The following ACBD3 variants were observed in gnomAD, a reference collection of about 807,000 sequenced individuals.
ACBD3 encodes Golgi resident protein GCP60.
A neutral mutation model predicts 66.9 loss-of-function variants in ACBD3; 30 were observed. The observed-to-expected ratio is 0.45, with a 90% CI of 0.34 to 0.61. The LOEUF (loss-of-function observed/expected upper bound fraction) is 0.61. Among genes scored for constraint, ACBD3 ranks in the 20% least tolerant of loss-of-function variants. The pLI, the probability that ACBD3 is intolerant of heterozygous loss-of-function variation, is 0.02. For synonymous variants in ACBD3, 278 were observed against 259.8 expected, an observed-to-expected ratio of 1.07 and a Z score of -0.68; for missense variants, 544 against 664.5, an observed-to-expected ratio of 0.82 and a Z score of 1.99.
intron 1 of ACBD3, among the ~76,000 whole-genome samples, chr1:226,172,028 A>G (rs1372637880): frequency 6.6e-6 from 1 of 151,294 alleles, no homozygotes; most frequent in Non-Finnish European, 1.5e-5. Context: ...GCTGGCGCAC[A>G]CCTATAATCC....
Position 226,164,801 on chromosome 1 carries a change from T to C in ACBD3, c.557A>G (p.Gln186Arg). The change falls in exon 3 of 8, where the codon CAA becomes CGA. Residue 186 changes from glutamine (Q) to arginine (R), a missense_variant. Gln to Arg is a conservative substitution (Grantham distance 43). Coordinates refer to ENST00000366812, the MANE Select transcript of ACBD3 (RefSeq NM_022735.4). Reference protein sequence around the residue: ...VASHKIEKEEQEKKRKEEEER... With the variant: ...VASHKIEKEEREKKRKEEEER... ...CCTCAAACTTCACCTTTTTTTTTCT[T>C]GCTCTTCCTTCTCTATTTTGTGGGA... The C allele has an allele frequency of 1.2e-6, 2 of 1,609,166 alleles. No individual in the cohort carries two copies. Among genetic ancestry groups the C allele is most frequent in the Non-Finnish European group, 1.7e-6 (2 of 1,177,908 alleles).
chr1:226,155,102 C>CA (rs1659646666), intron 5 of ACBD3: 1 of 249,938 alleles, frequency 4.0e-6, no homozygotes, highest in Non-Finnish European at 7.5e-6. Context: ...ATCTGAGAAT[C>CA]ACCATAAAAA....
At position 226,186,415 on chromosome 1, in the gene ACBD3, G is replaced by C; in HGVS notation, c.261C>G (p.Tyr87Ter). 6.6e-7 allele frequency: 1 copy of C among 1,523,854 alleles called. No individual in the cohort carries two copies. The highest frequency in any genetic ancestry group is 8.8e-7 in the Non-Finnish European group (1 of 1,136,696). The allele number at this position is 1,523,854 out of a possible 1,614,324, so 94.4% of individuals were successfully genotyped here. Reference protein sequence around the residue: ...QRWGFGLEELYGLALRFFKEK... With the variant: ...QRWGFGLEEL ...CTTTGAAGAAGCGCAGTGCCAGGCCGTACAACTCCTCCAGGCCGAAACCCC... is the reference window on the plus strand; with the variant it reads ...CTTTGAAGAAGCGCAGTGCCAGGCCCTACAACTCCTCCAGGCCGAAACCCC... Residue 87 changes from tyrosine (Y) to a stop codon, truncating the protein, a stop_gained, in exon 1 of 8, where the codon TAC (tyrosine) becomes TAG (stop). Transcript: ENST00000366812. LOFTEE classifies it high-confidence loss of function.
chr1:226,164,737 T>G, intron 3 of ACBD3, 52 bp downstream of exon 3: 1 of 1,530,856 alleles, frequency 6.5e-7, no homozygotes, highest in Non-Finnish European at 8.8e-7. Flanking sequence ...AACAAAAGCA[T>G]CAGTACACTG....
In ACBD3 at chr1:226,186,685, C is replaced by G. The variant is rs374813325; in HGVS notation, c.-10G>C. ...TCAGCACCGCCGCCATCTCCGGCTG[C>G]TGCACCTCCTCAGCGGGGACAGACG... On this transcript the variant is annotated 5_prime_UTR_variant, in exon 1 of 8. Coordinates refer to ENST00000366812, the MANE Select transcript of ACBD3 (RefSeq NM_022735.4). 68 of 1,488,348 alleles carry G rather than the reference C, an allele frequency of 4.6e-5. No homozygotes were observed. The highest frequency in any genetic ancestry group is 6.0e-5 in the Non-Finnish European group (67 of 1,124,490). 92.2% of individuals were successfully genotyped at this position (1,488,348 alleles called of 1,614,324 possible).
chr1:226,155,234 A>G (rs1221808466), intron 5 of ACBD3, among the ~76,000 whole-genome samples: 1 of 152,100 alleles, frequency 6.6e-6, no homozygotes, highest in African/African-American at 2.4e-5. Flanking sequence ...CCTGACCAAC[A>G]TGGTGAAACC....
chr1:226,186,685 C>A lies in ACBD3; in HGVS notation c.-10G>T. 2.0e-6 allele frequency: 3 copies of A among 1,488,464 alleles called. No individual in the cohort carries two copies. The highest frequency in any genetic ancestry group is 2.5e-5 in the South Asian group (2 of 79,480). The allele number at this position is 1,488,464 out of a possible 1,614,324, so 92.2% of individuals were successfully genotyped here. Reference sequence around the variant, plus strand: ...TCAGCACCGCCGCCATCTCCGGCTGCTGCACCTCCTCAGCGGGGACAGACG... The same window carrying A: ...TCAGCACCGCCGCCATCTCCGGCTGATGCACCTCCTCAGCGGGGACAGACG... On this transcript the variant is annotated 5_prime_UTR_variant, in exon 1 of 8. Coordinates refer to ENST00000366812, the MANE Select transcript of ACBD3 (RefSeq NM_022735.4).
At chr1:226,161,296 G>A (rs1380623901) in intron 4 of ACBD3, among the ~76,000 whole-genome samples, 3 of 151,876 alleles carry the variant, frequency 2.0e-5, no homozygotes, top group African/African-American at 7.3e-5. Context: ...ATGCCACTGC[G>A]CCCAGCTAAT....
chr1:226,159,277 G>A lies in ACBD3; in HGVS notation c.810C>T (p.Tyr270=), dbSNP rs376198228. The A allele has an allele frequency of 4.3e-6, 7 of 1,614,054 alleles. No homozygotes were observed. The highest frequency in any genetic ancestry group is 2.7e-5 in the African/African-American group (2 of 74,906). The change falls in exon 5 of 8, where the codon TAC becomes TAT. Residue 270 remains tyrosine, a synonymous_variant. Transcript: ENST00000366812. ...QYAAQQYPGN[Y]EQQQILIRQL... is the part of the protein sequence containing the mutation. ...GGCGGATGAGAATTTGCTGCTGTTC[G>A]TAGTTCCCTGGATACTGTTGGGCTG...
rs1425473366 is a variant in ACBD3 at position 226,182,226 on chromosome 1, C to CT, written c.286+4163dup. Reference sequence around the variant, plus strand: ...AGCCTGCATAACAAAACCAGACTGTCTAAAAAAAAAAAAAGAATTGAGCAA... The same window carrying CT: ...AGCCTGCATAACAAAACCAGACTGTCTTAAAAAAAAAAAAAGAATTGAGCAA... On this transcript the variant is annotated intron_variant, in intron 1 of 7. Transcript: ENST00000366812. Among the ~76,000 whole-genome samples the CT allele has an allele frequency of 5.0e-5, 7 of 141,216 alleles. No individual in the cohort carries two copies. In the South Asian group the frequency reaches 1.3e-3, roughly 27 times the overall value. 92.6% of individuals were successfully genotyped at this position (141,216 alleles called of 152,430 possible).
rs772025363 is a variant in ACBD3 at position 226,186,370 on chromosome 1, G to T, written c.286+20C>A. On this transcript the variant is annotated intron_variant, in intron 1 of 7. Coordinates refer to ENST00000366812, the MANE Select transcript of ACBD3 (RefSeq NM_022735.4). ...CCGGGGCCGGGCAGAAGCGGCGGGG[G>T]TGGGGCTGGCCCGGCTCACCTTTGA... is the stretch of plus-strand genomic sequence containing the variant. 17 of 1,505,492 alleles carry T rather than the reference G, an allele frequency of 1.1e-5. No homozygotes were observed. The highest frequency in any genetic ancestry group is 1.0e-4 in the African/African-American group (7 of 69,002). 93.3% of individuals were successfully genotyped at this position (1,505,492 alleles called of 1,614,324 possible).
At position 226,159,213 on chromosome 1, in the gene ACBD3, A is replaced by C. The variant is rs1659726822; in HGVS notation, c.874T>G (p.Leu292Val). ...TGCTGTGCAAGCTGGACTTGATACAACTGCTGCATGTACTGCTGATAGTGT... is the reference window on the plus strand; with the variant it reads ...TGCTGTGCAAGCTGGACTTGATACACCTGCTGCATGTACTGCTGATAGTGT... Reference protein sequence around the residue: ...EQHYQQYMQQLYQVQLAQQQA... With the variant: ...EQHYQQYMQQVYQVQLAQQQA... The change falls in exon 5 of 8, where the codon TTG becomes GTG. Residue 292 changes from leucine (L) to valine (V), a missense_variant. By Grantham distance (32) the Leu-to-Val change is conservative (BLOSUM62 1). Coordinates refer to ENST00000366812, the MANE Select transcript of ACBD3 (RefSeq NM_022735.4). 1.9e-6 allele frequency: 3 copies of C among 1,614,182 alleles called. No homozygotes were observed. The East Asian group carries it at 6.7e-5, about 36-fold the overall frequency.
intron 1 of ACBD3, among the ~76,000 whole-genome samples, chr1:226,169,387 A>G (rs955344351): frequency 1.3e-5 from 2 of 151,744 alleles, no homozygotes; most frequent in African/African-American, 4.8e-5. Flanking sequence ...AGCTGGGACT[A>G]CAAGCGCCCG....
rs1040994410 is a variant in ACBD3 at position 226,149,320 on chromosome 1, G to A, written c.1376-2499C>T. The stretch of plus-strand genomic sequence containing the variant: ...CAGCTCACTGCAATCTCCACCTCCC[G>A]GGTTCAAGCGATTCTCCTGCCTCAG... On this transcript the variant is annotated intron_variant, in intron 7 of 7. Transcript: ENST00000366812. 5.3e-5 allele frequency among the ~76,000 whole-genome samples: 8 copies of A among 150,674 alleles called. No homozygotes were observed. The South Asian group carries it at 8.4e-4, about 16-fold the overall frequency.
chr1:226,161,575 T>C lies in ACBD3; in HGVS notation c.684A>G (p.Glu228=). The C allele has an allele frequency of 1.2e-6, 2 of 1,614,178 alleles. No homozygotes were observed. The highest frequency in any genetic ancestry group is 1.1e-5 in the South Asian group (1 of 91,070). The change falls in exon 4 of 8, where the codon GAA becomes GAG. Residue 228 remains glutamate (E), a synonymous_variant. Transcript: ENST00000366812. ...GCCTTTCTTCTTCTATCCGTCTCCTTTCCTCTTCCTCCCGTCGAAGCCTTT... is the reference window on the plus strand; with the variant it reads ...GCCTTTCTTCTTCTATCCGTCTCCTCTCCTCTTCCTCCCGTCGAAGCCTTT... ...EEERLRREEE[E]RRRIEEERLR...
intron 5 of ACBD3, among the ~76,000 whole-genome samples, chr1:226,156,700 G>A (rs1488448040): frequency 1.3e-5 from 2 of 152,128 alleles, no homozygotes; most frequent in African/African-American, 4.8e-5. Flanking sequence ...AAGATTTTAA[G>A]ATATCTTCTT....
At chr1:226,156,773 G>C (rs1172647058) in intron 5 of ACBD3, among the ~76,000 whole-genome samples, 1 of 152,142 alleles carries the variant, frequency 6.6e-6, no homozygotes, top group Non-Finnish European at 1.5e-5. Context: ...AGCTTCCAGA[G>C]AAAGTACCTA....
chr1:226,158,289 T>C (rs562680241), intron 5 of ACBD3, among the ~76,000 whole-genome samples: 1 of 152,368 alleles, frequency 6.6e-6, no homozygotes, highest in East Asian at 1.9e-4. Flanking sequence ...CTCAGATTTT[T>C]TGACAGGTGG....
chr1:226,172,504 G>C (rs1655852408), intron 1 of ACBD3, among the ~76,000 whole-genome samples: 1 of 152,138 alleles, frequency 6.6e-6, no homozygotes, highest in African/African-American at 2.4e-5. Flanking sequence ...CCACAAGTTA[G>C]AATCTAGCCT....
Sources: gnomAD v4.1 joint callset for allele counts (sites outside exome capture counted in the v4.1 genomes callset) on GRCh38, gnomAD v4.1.1 for gene constraint, MANE v1.5 for transcripts, NCBI Gene and HGNC (gene_info 2026-07-23, HGNC 2026-07-21) for gene names.